DSCAML1: variants seen among roughly 807,000 people sequenced by gnomAD.
DSCAML1 encodes the protein DS cell adhesion molecule like 1.
DSCAML1 carries 38 observed loss-of-function variants against 200.5 expected under a neutral mutation model. The observed-to-expected ratio is 0.19, with a 90% confidence interval of 0.15 to 0.25. The LOEUF is 0.25. Among genes scored for constraint, DSCAML1 ranks in the 10% least tolerant of loss-of-function variants. The pLI, the probability that DSCAML1 is intolerant of heterozygous loss-of-function variation, is 1.00. For missense variants in DSCAML1, 2,223 were observed against 2,858.8 expected (o/e 0.78, Z 5.07); for synonymous variants, 1,215 against 1,165.0 (o/e 1.04, Z -0.87).
At chr11:117,487,053 C>T (rs1174673129) in intron 11 of DSCAML1, among the ~76,000 whole-genome samples, 1 of 150,532 alleles carries the variant, frequency 6.6e-6, no homozygotes, top group African/African-American at 2.4e-5. Flanking sequence ...GTCTCACAAG[C>T]AGCTGGGATT....
chr11:117,605,705 A>G (rs1386265985), intron 3 of DSCAML1, among the ~76,000 whole-genome samples: 1 of 152,112 alleles, frequency 6.6e-6, no homozygotes, highest in Non-Finnish European at 1.5e-5. Context: ...GGGGAAAGGG[A>G]TTCTGACTTG....
chr11:117,439,150 G>T (rs1243727431), intron 23 of DSCAML1, 116 bp downstream of exon 23: 2 of 1,446,888 alleles, frequency 1.4e-6, no homozygotes, highest in South Asian at 2.6e-5. Flanking sequence ...TTCTCCAGAG[G>T]TCTGTCTCTC....
chr11:117,790,191 G>C (rs1199678433), intron 1 of DSCAML1, among the ~76,000 whole-genome samples: 1 of 152,216 alleles, frequency 6.6e-6, no homozygotes, highest in Non-Finnish European at 1.5e-5. Flanking sequence ...ACATAAGATG[G>C]GACTGTGCCT....
At position 117,438,888 on chromosome 11, in the gene DSCAML1, G is replaced by A. The variant is rs1234865553; in HGVS notation, c.4240C>T (p.Arg1414Ter). 6.3e-7 allele frequency: 1 copy of A among 1,586,102 alleles called. No individual in the cohort carries two copies. The highest frequency in any genetic ancestry group is 8.5e-7 in the Non-Finnish European group (1 of 1,169,868). ...CCGCATCCAGACCCCTCCTCACCTC[G>A]GATGGAGCTGCCCCCATTGTCACCT... ...IPGDNGGSSI[R>*]GFVLQYSVDN... The change falls in exon 24 of 33, where the codon CGA (arginine) becomes TGA (stop). Residue 1414 changes from arginine to a stop codon, truncating the protein, a stop_gained. Coordinates refer to ENST00000651296, the MANE Select transcript of DSCAML1 (RefSeq NM_020693.4). LOFTEE classifies it high-confidence loss of function.
chr11:117,524,667 G>T, intron 5 of DSCAML1, 138 bp downstream of exon 5: 1 of 1,101,960 alleles, frequency 9.1e-7, no homozygotes, highest in Non-Finnish European at 1.3e-6. Context: ...CAGGATACCA[G>T]ACTGCCTTCC....
intron 3 of DSCAML1, among the ~76,000 whole-genome samples, chr11:117,628,215 T>C (rs1591338238): frequency 6.6e-6 from 1 of 152,128 alleles, no homozygotes; most frequent in Non-Finnish European, 1.5e-5. Flanking sequence ...TCCAAGAGTT[T>C]CCCTGCCAGC....
At chr11:117,711,746 T>C (rs1422902526) in intron 3 of DSCAML1, among the ~76,000 whole-genome samples, 1 of 152,236 alleles carries the variant, frequency 6.6e-6, no homozygotes, top group Non-Finnish European at 1.5e-5. Context: ...CTGGATTGTT[T>C]AATTCCACAA....
intron 3 of DSCAML1, among the ~76,000 whole-genome samples, chr11:117,639,252 G>GAT: frequency 6.6e-6 from 1 of 151,158 alleles, no homozygotes; most frequent in Non-Finnish European, 1.5e-5. Context: ...TGGGAGGCTG[G>GAT]GTGGGAGGCT....
At chr11:117,545,021 G>A (rs1326772964) in intron 3 of DSCAML1, among the ~76,000 whole-genome samples, 2 of 151,910 alleles carry the variant, frequency 1.3e-5, no homozygotes, top group East Asian at 3.9e-4. Context: ...CACGATGTCG[G>A]GAGTTTGAGA....
At chr11:117,563,908 T>G (rs1264750358) in intron 3 of DSCAML1, among the ~76,000 whole-genome samples, 2 of 152,176 alleles carry the variant, frequency 1.3e-5, no homozygotes, top group African/African-American at 4.8e-5. Context: ...TGATGCACTC[T>G]GTGGGCTTCT....
chr11:117,810,714 G>A (rs1040762227), intron 1 of DSCAML1, among the ~76,000 whole-genome samples: 5 of 152,072 alleles, frequency 3.3e-5, no homozygotes, highest in African/African-American at 7.2e-5. Flanking sequence ...CCAAATAGCC[G>A]GAAAACAGCT....
chr11:117,679,056 C>T (rs1009112282), intron 3 of DSCAML1, among the ~76,000 whole-genome samples: 2 of 152,238 alleles, frequency 1.3e-5, no homozygotes, highest in South Asian at 2.1e-4. Flanking sequence ...CATTGCCTTC[C>T]GCTGAATGGA....
At chr11:117,482,267 G>T in intron 11 of DSCAML1, 105 bp from the exon 12 acceptor site, 1 of 1,346,606 alleles carries the variant, frequency 7.4e-7, no homozygotes, top group Non-Finnish European at 1.0e-6. Flanking sequence ...CCTCCCCCAG[G>T]AGAGGCTCCA....
rs777748678 is a variant in DSCAML1, at chr11:117,532,366, T to C, written c.658+10A>G. On this transcript the variant is annotated intron_variant, in intron 4 of 32. Coordinates refer to ENST00000651296, the MANE Select transcript of DSCAML1 (RefSeq NM_020693.4). ...AGCCTGCCCCGTTCTCCCCAGGCCC[T>C]CTCCCCTACCTGTCACAGAGAGGCG... The C allele has an allele frequency of 6.2e-7, 1 of 1,612,374 alleles. No homozygotes were observed. The highest frequency in any genetic ancestry group is 8.5e-7 in the Non-Finnish European group (1 of 1,179,172).
Position 117,518,772 on chromosome 11 carries a change from G to A in DSCAML1, c.1214-10C>T. 6.2e-7 allele frequency: 1 copy of A among 1,607,008 alleles called. No individual in the cohort carries two copies. ...ATGCGGGGCGTGCCATCTGCAGGGA[G>A]CGAGAAGCCCCCTTCAGGGTCACCA... On this transcript the variant is annotated splice_polypyrimidine_tract_variant and intron_variant, in intron 6 of 32. Transcript: ENST00000651296. This position sits in a 1 kb window ranked among gnomAD's most constrained non-coding sequence, Gnocchi z 6.3.
In DSCAML1 at chr11:117,536,164, G is replaced by T. The variant is rs551550048; in HGVS notation, c.512-3642C>A. On this transcript the variant is annotated intron_variant, in intron 3 of 32. Coordinates refer to ENST00000651296, the MANE Select transcript of DSCAML1 (RefSeq NM_020693.4). ...CAGGGGTATGATGTTAGTCCCCTTG[G>T]GGGGGCTTGTGCAACATCAGTTCTG... Among the ~76,000 whole-genome samples, 41 of 151,720 alleles carry T rather than the reference G, an allele frequency of 2.7e-4. No homozygotes were observed. In the East Asian group the frequency reaches 4.2e-3, roughly 16 times the overall value.
chr11:117,777,883 G>A lies in DSCAML1; in HGVS notation c.365-946C>T, dbSNP rs564537900. On this transcript the variant is annotated intron_variant, in intron 2 of 32. Transcript: ENST00000651296. ...CTCTGTTTGGCCTCTCCCAGGCCTC[G>A]CTTGATCCTTCCACCCCCTTATCTG... Among the ~76,000 whole-genome samples, 424 of 152,246 alleles carry A rather than the reference G, an allele frequency of 2.8e-3. 1 individual carries two copies. Among genetic ancestry groups the A allele is most frequent in the Non-Finnish European group, 1.4e-3 (96 of 68,016 alleles).
At chr11:117,810,033 TCACA>T (rs1335813175) in intron 1 of DSCAML1, among the ~76,000 whole-genome samples, 7 of 151,280 alleles carry the variant, frequency 4.6e-5, no homozygotes, top group Non-Finnish European at 5.9e-5. Context: ...TCAAATATTT[TCACA>T]CACATTCACA....
chr11:117,642,392 G>C lies in DSCAML1; in HGVS notation c.512-109870C>G, dbSNP rs1332504703. On this transcript the variant is annotated intron_variant, in intron 3 of 32. Transcript: ENST00000651296. The surrounding 1 kb of genome is among the most constrained non-coding windows in gnomAD (Gnocchi z 4.1). ...AATTTGCCCTTCTAGGTGGGTCTGTGTATAAGTCTGACACCCACAGGTCAC... is the reference window on the plus strand; with the variant it reads ...AATTTGCCCTTCTAGGTGGGTCTGTCTATAAGTCTGACACCCACAGGTCAC... Among the ~76,000 whole-genome samples, 1 of 152,072 alleles carries C rather than the reference G, an allele frequency of 6.6e-6. No individual in the cohort carries two copies. The highest frequency in any genetic ancestry group is 1.5e-5 in the Non-Finnish European group (1 of 68,014).
Sources: gnomAD v4.1 joint callset for allele counts (sites outside exome capture counted in the v4.1 genomes callset) on GRCh38, gnomAD v4.1.1 for gene constraint, Gnocchi (gnomAD v3.1) non-coding constraint, MANE v1.5 for transcripts, NCBI Gene and HGNC (gene_info 2026-07-23, HGNC 2026-07-21) for gene names.